MLPH: variants seen among roughly 807,000 people sequenced by gnomAD.
MLPH encodes the protein exophilin-3.
MLPH carries 51 observed loss-of-function variants against 72.1 expected under a neutral mutation model. That is an observed-to-expected ratio of 0.71 (90% CI 0.56 to 0.89). MLPH has a LOEUF of 0.89. Among genes scored for constraint, MLPH ranks in the 40% least tolerant of loss-of-function variants. The probability of loss-of-function intolerance (pLI) is 0.00; values close to 1 mark genes in which losing one functional copy is unlikely to be tolerated. For synonymous variants in MLPH, 301 were observed against 310.1 expected (o/e 0.97, Z 0.31); for missense variants, 743 against 759.9 (o/e 0.98, Z 0.26).
At chr2:237,521,163 G>C (rs745975425) in intron 6 of MLPH, among the ~76,000 whole-genome samples, 1 of 152,220 alleles carries the variant, frequency 6.6e-6, no homozygotes, top group Non-Finnish European at 1.5e-5. Context: ...TTTGTTAATA[G>C]TAACCAGAGT....
intron 6 of MLPH, among the ~76,000 whole-genome samples, chr2:237,522,173 C>T (rs562108220): frequency 3.4e-4 from 16 of 47,362 alleles, no homozygotes; most frequent in South Asian, 1.3e-3. Context: ...AGTGCTGGAG[C>T]GGAGCAGGGC....
chr2:237,546,146 G>A (rs2080914551), intron 12 of MLPH, among the ~76,000 whole-genome samples: 1 of 152,180 alleles, frequency 6.6e-6, no homozygotes, highest in African/African-American at 2.4e-5. Flanking sequence ...ACAAAAGGTT[G>A]CATTCTTTTG....
intron 1 of MLPH, among the ~76,000 whole-genome samples, chr2:237,490,327 T>TG (rs1442753519): frequency 7.7e-5 from 11 of 142,512 alleles, no homozygotes; most frequent in African/African-American, 2.8e-4. Context: ...GGACCTCATC[T>TG]AAAAAAAAAA....
At chr2:237,537,731 G>A (rs1026863501) in intron 9 of MLPH, 2 of 152,292 alleles carry the variant, frequency 1.3e-5, no homozygotes, top group African/African-American at 2.4e-5. Flanking sequence ...CAATATCCTC[G>A]GCTTGATGGG....
At chr2:237,525,014 AC>A (rs2080272465) in intron 6 of MLPH, among the ~76,000 whole-genome samples, 1 of 151,574 alleles carries the variant, frequency 6.6e-6, no homozygotes, top group African/African-American at 2.4e-5. Context: ...TCTGGCCTCC[AC>A]CCCCCACTCA....
intron 2 of MLPH, among the ~76,000 whole-genome samples, chr2:237,508,006 G>C (rs952014105): frequency 5.9e-5 from 9 of 152,174 alleles, no homozygotes; most frequent in African/African-American, 2.2e-4. Context: ...AAGCTCATCA[G>C]GCAGAATCCT....
intron 2 of MLPH, among the ~76,000 whole-genome samples, chr2:237,502,330 G>A (rs1413959449): frequency 2.0e-5 from 3 of 152,162 alleles, no homozygotes; most frequent in African/African-American, 4.8e-5. Context: ...AACTCCTTCT[G>A]TCCCCAGAAG....
At chr2:237,520,153 C>G in intron 6 of MLPH, 124 bp downstream of exon 6, 2 of 1,324,990 alleles carry the variant, frequency 1.5e-6, no homozygotes, top group Non-Finnish European at 2.1e-6. Flanking sequence ...CCACCTGGCT[C>G]CCAAGGCATG....
At chr2:237,513,813 G>A (rs966095448) in intron 4 of MLPH, among the ~76,000 whole-genome samples, 10 of 152,064 alleles carry the variant, frequency 6.6e-5, no homozygotes, top group Non-Finnish European at 8.8e-5. Context: ...TTTGGGATGC[G>A]TCTCCTCAAG....
chr2:237,525,939 C>A, intron 7 of MLPH, 134 bp downstream of exon 7: 1 of 903,712 alleles, frequency 1.1e-6, no homozygotes. Flanking sequence ...CGTGATTGTC[C>A]GGGACGTGCA....
At position 237,525,020 on chromosome 2, in the gene MLPH, C is replaced by T. The variant is rs79778875; in HGVS notation, c.676-581C>T. ...CGCATTTCCTCTGGCCTCCACCCCC[C>T]ACTCACAGTCAAACTGGAAGGGCGC... On this transcript the variant is annotated intron_variant, in intron 6 of 15. Coordinates refer to ENST00000264605, the MANE Select transcript of MLPH (RefSeq NM_024101.7). Among the ~76,000 whole-genome samples, 1,103 of 152,324 alleles carry T rather than the reference C, an allele frequency of 7.2e-3. 9 individuals are homozygous for T. The highest frequency in any genetic ancestry group is 0.022 in the South Asian group (108 of 4,822).
intron 8 of MLPH, among the ~76,000 whole-genome samples, chr2:237,529,106 A>G (rs1291507394): frequency 6.6e-6 from 1 of 151,998 alleles, no homozygotes; most frequent in Non-Finnish European, 1.5e-5. Context: ...TTAGTGGAGC[A>G]ATCTCGGCTC....
At chr2:237,529,159 C>T (rs979859602) in intron 8 of MLPH, among the ~76,000 whole-genome samples, 2 of 152,084 alleles carry the variant, frequency 1.3e-5, no homozygotes, top group African/African-American at 4.8e-5. Context: ...TCTCCTGCCT[C>T]CCCTTCCTGA....
At position 237,502,261 on chromosome 2, in the gene MLPH, C is replaced by A. The variant is rs189905109; in HGVS notation, c.111-8313C>A. 6.4e-3 allele frequency among the ~76,000 whole-genome samples: 982 copies of A among 152,302 alleles called. 9 individuals carry two copies. Among genetic ancestry groups the A allele is most frequent in the Non-Finnish European group, 0.01 (712 of 68,024 alleles). On this transcript the variant is annotated intron_variant, in intron 2 of 15. Coordinates refer to ENST00000264605, the MANE Select transcript of MLPH (RefSeq NM_024101.7). ...ATTATTTTTTAATGTTCTACAAATA[C>A]AAAGTAGGGCCAAAGTAAACCTTCT... is the stretch of plus-strand genomic sequence containing the variant.
At chr2:237,504,900 C>A (rs2079732050) in intron 2 of MLPH, among the ~76,000 whole-genome samples, 1 of 152,196 alleles carries the variant, frequency 6.6e-6, no homozygotes, top group Admixed American at 6.5e-5. Context: ...AAATACAGGT[C>A]TTTTATTTCC....
intron 8 of MLPH, among the ~76,000 whole-genome samples, chr2:237,533,773 G>A (rs1219486581): frequency 6.6e-6 from 1 of 152,270 alleles, no homozygotes; most frequent in Non-Finnish European, 1.5e-5. Flanking sequence ...CGCTCAAGGC[G>A]TGGGCCGAGG....
intron 8 of MLPH, among the ~76,000 whole-genome samples, chr2:237,534,095 C>T (rs1159907352): frequency 2.0e-5 from 3 of 152,182 alleles, no homozygotes; most frequent in African/African-American, 4.8e-5. Context: ...GGAAGTTGTA[C>T]TTCTGGTCCC....
Position 237,514,273 on chromosome 2 carries a change from T to G in MLPH, c.445+3172T>G, listed in dbSNP as rs114937297. ...ATAATTTCTTTTTTTATTTTTAATG[T>G]TTTTTTTTAGAGATGGGTTCTCACT... is the stretch of plus-strand genomic sequence containing the variant. On this transcript the variant is annotated intron_variant, in intron 4 of 15. Coordinates refer to ENST00000264605, the MANE Select transcript of MLPH (RefSeq NM_024101.7). Among the ~76,000 whole-genome samples, 321 of 151,084 alleles carry G rather than the reference T, an allele frequency of 2.1e-3. 1 individual carries two copies. The highest frequency in any genetic ancestry group is 7.4e-3 in the African/African-American group (304 of 41,148).
chr2:237,518,311 G>A (rs1045632216), intron 4 of MLPH: 1 of 622,900 alleles, frequency 1.6e-6, no homozygotes, highest in Non-Finnish European at 3.0e-6. Flanking sequence ...AAATGGGTGG[G>A]TGGGTAGGTG....
Sources: allele counts gnomAD v4.1 joint callset (sites outside exome capture counted in the v4.1 genomes callset), GRCh38; gene constraint gnomAD v4.1.1; transcripts MANE v1.5; gene names NCBI Gene and HGNC (gene_info 2026-07-23, HGNC 2026-07-21).